Variants in NRXN3 observed in about 807,000 individuals in gnomAD.
NRXN3 encodes neurexin 3.
NRXN3 carries 32 observed loss-of-function variants against 137.6 expected under a neutral mutation model. The observed-to-expected ratio is 0.23, with a 90% CI of 0.18 to 0.31. The LOEUF (loss-of-function observed/expected upper bound fraction) is 0.31. NRXN3 is among the 10% of genes least tolerant of loss of function. The probability of loss-of-function intolerance (pLI) is 1.00; values close to 1 mark genes in which losing one functional copy is unlikely to be tolerated. For missense variants in NRXN3, 1,574 were observed against 2,062.5 expected (o/e 0.76, Z 4.59); for synonymous variants, 798 against 784.5 (o/e 1.02, Z -0.29).
At chr14:78,354,472 G>T in intron 4 of NRXN3, among the ~76,000 whole-genome samples, 1 of 152,156 alleles carries the variant, frequency 6.6e-6, no homozygotes, top group Middle Eastern at 3.2e-3. Context: ...ATTCATCTTT[G>T]AGAGATGAGA....
At chr14:79,462,455 T>C (rs1227813512) in intron 15 of NRXN3, among the ~76,000 whole-genome samples, 1 of 151,554 alleles carries the variant, frequency 6.6e-6, no homozygotes, top group African/African-American at 2.4e-5. Flanking sequence ...TTGTTCCATT[T>C]TAACATCAAT....
At position 79,857,378 on chromosome 14, in the gene NRXN3, T is replaced by C. The variant is rs566442347; in HGVS notation, c.4094-3964T>C. On this transcript the variant is annotated intron_variant, in intron 20 of 20. Coordinates refer to ENST00000335750, the MANE Select transcript of NRXN3 (RefSeq NM_001330195.2). ...CTGGGACTACAGGTGCCAGCCACTA[T>C]GCCTGGCTAATTTTTTTGTATTTTT... Among the ~76,000 whole-genome samples, 7 of 152,204 alleles carry C rather than the reference T, an allele frequency of 4.6e-5. No homozygotes were observed. In the South Asian group the frequency reaches 1.0e-3, roughly 23 times the overall value.
chr14:78,226,078 A>G (rs1236778447), intron 1 of NRXN3, among the ~76,000 whole-genome samples: 1 of 151,040 alleles, frequency 6.6e-6, no homozygotes, highest in Non-Finnish European at 1.5e-5. Flanking sequence ...ATCTCCGCTC[A>G]CTGCAACATC....
chr14:79,237,458 C>A (rs778321245), intron 15 of NRXN3, among the ~76,000 whole-genome samples: 3 of 151,826 alleles, frequency 2.0e-5, no homozygotes, highest in African/African-American at 7.3e-5. Context: ...GGGTTGGTTG[C>A]GGGGGACAGG....
intron 1 of NRXN3, among the ~76,000 whole-genome samples, chr14:78,194,011 T>C (rs2060992179): frequency 6.6e-6 from 1 of 152,198 alleles, no homozygotes; most frequent in Admixed American, 6.5e-5. Flanking sequence ...ATCTGGACTC[T>C]GGCCCATAGG....
intron 20 of NRXN3, among the ~76,000 whole-genome samples, chr14:79,844,232 G>T (rs2099362276): frequency 6.6e-6 from 1 of 151,204 alleles, no homozygotes; most frequent in Non-Finnish European, 1.5e-5. Context: ...TTCCTCCACT[G>T]GTCTTAAACC....
At chr14:78,473,114 C>A (rs1275879451) in intron 4 of NRXN3, among the ~76,000 whole-genome samples, 2 of 151,922 alleles carry the variant, frequency 1.3e-5, no homozygotes, top group Admixed American at 1.3e-4. Context: ...AAAAGAAAAA[C>A]CTTTCTGGCC....
chr14:78,434,125 G>A lies in NRXN3; in HGVS notation c.757+136265G>A, dbSNP rs867416706. 1.6e-4 allele frequency among the ~76,000 whole-genome samples: 24 copies of A among 152,092 alleles called. 1 individual carries two copies. The highest frequency in any genetic ancestry group is 2.9e-4 in the Non-Finnish European group (20 of 68,016). On this transcript the variant is annotated intron_variant, in intron 4 of 20. Transcript: ENST00000335750. ...TGTTGAATATCTCATGTAATTTATC[G>A]AAATGTTGTACTGAAAGTGAAAAAC...
chr14:78,618,143 T>A (rs1248917562), intron 4 of NRXN3, among the ~76,000 whole-genome samples: 1 of 152,112 alleles, frequency 6.6e-6, no homozygotes, highest in African/African-American at 2.4e-5. Flanking sequence ...AACTAGTCCC[T>A]TGTTCAGGTG....
At chr14:78,205,884 A>G (rs1315148271) in intron 1 of NRXN3, among the ~76,000 whole-genome samples, 2 of 152,230 alleles carry the variant, frequency 1.3e-5, no homozygotes, top group Non-Finnish European at 2.9e-5. Context: ...GGCTGAATGC[A>G]AGGAGATAAG....
intron 15 of NRXN3, among the ~76,000 whole-genome samples, chr14:79,007,805 C>CAAAAAAAAAAAA (rs1160867331): frequency 7.9e-5 from 3 of 38,016 alleles, no homozygotes; most frequent in Non-Finnish European, 6.0e-5. Flanking sequence ...GACTCCATCT[C>CAAAAAAAAAAAA]AAAAAAAAAA....
intron 4 of NRXN3, among the ~76,000 whole-genome samples, chr14:78,499,884 A>ACAGAGC (rs1361579062): frequency 1.3e-5 from 2 of 152,098 alleles, no homozygotes; most frequent in East Asian, 3.9e-4. Context: ...AGAGAGAGAG[A>ACAGAGC]CAGAGCCTGC....
rs770329837 is a variant in NRXN3, at chr14:79,043,572, C to T, written c.3262+55431C>T. On this transcript the variant is annotated intron_variant, in intron 15 of 20. Coordinates refer to ENST00000335750, the MANE Select transcript of NRXN3 (RefSeq NM_001330195.2). ...TGAGGACTATTGAATCACAGAGATA[C>T]AGCAGTAGACTTCATGAAGTTCATC... Among the ~76,000 whole-genome samples the T allele has an allele frequency of 1.7e-3, 258 of 152,226 alleles. 2 individuals carry two copies. Among genetic ancestry groups the T allele is most frequent in the Non-Finnish European group, 2.5e-3 (173 of 68,012 alleles).
intron 19 of NRXN3, among the ~76,000 whole-genome samples, chr14:79,757,912 A>T (rs1358261451): frequency 6.6e-6 from 1 of 152,060 alleles, no homozygotes; most frequent in Admixed American, 6.6e-5. Context: ...AACCACATTA[A>T]TTTTTTTCTG....
chr14:78,886,065 A>G (rs1057165132), intron 10 of NRXN3, among the ~76,000 whole-genome samples: 1 of 152,130 alleles, frequency 6.6e-6, no homozygotes, highest in Non-Finnish European at 1.5e-5. Context: ...GTCATATTTC[A>G]TTGGTCAGAA....
At chr14:79,698,514 C>G (rs2098743152) in intron 19 of NRXN3, among the ~76,000 whole-genome samples, 1 of 151,982 alleles carries the variant, frequency 6.6e-6, no homozygotes, top group Non-Finnish European at 1.5e-5. Context: ...TATATTTGAT[C>G]AAGATACTAA....
chr14:79,523,436 GCTGT>G (rs1389330102), intron 16 of NRXN3, among the ~76,000 whole-genome samples: 1 of 152,202 alleles, frequency 6.6e-6, no homozygotes, highest in Admixed American at 6.5e-5. Context: ...TGTCCACCAT[GCTGT>G]CTAACAGCCA....
At chr14:79,568,059 A>G (rs909965775) in intron 16 of NRXN3, among the ~76,000 whole-genome samples, 3 of 152,152 alleles carry the variant, frequency 2.0e-5, no homozygotes, top group Non-Finnish European at 4.4e-5. Flanking sequence ...TCACAATTCA[A>G]TGGAACTGAA....
intron 15 of NRXN3, among the ~76,000 whole-genome samples, chr14:79,293,635 A>G (rs550514285): frequency 6.6e-6 from 1 of 152,320 alleles, no homozygotes; most frequent in African/African-American, 2.4e-5. Context: ...TGTCTCCAGC[A>G]CCACTTGGAT....
Sources: gnomAD v4.1 joint callset for allele counts (sites outside exome capture counted in the v4.1 genomes callset) on GRCh38, gnomAD v4.1.1 for gene constraint, MANE v1.5 for transcripts, NCBI Gene and HGNC (gene_info 2026-07-23, HGNC 2026-07-21) for gene names.